PLD5: variants seen among roughly 807,000 people sequenced by gnomAD.
The protein encoded by PLD5 is phospholipase D family member 5, also known as inactive phospholipase D5.
PLD5 carries 36 observed loss-of-function variants against 61.1 expected under a neutral mutation model. That is an observed-to-expected ratio of 0.59 (90% CI 0.45 to 0.78). The LOEUF (loss-of-function observed/expected upper bound fraction) is 0.78, where lower values mean the gene tolerates loss of function less well. PLD5 is among the 30% of genes least tolerant of loss of function. The pLI is 0.00. For synonymous variants in PLD5, 243 were observed against 242.8 expected (o/e 1.00, Z -0.01); for missense variants, 515 against 644.4 (o/e 0.80, Z 2.17).
intron 1 of PLD5, among the ~76,000 whole-genome samples, chr1:242,519,515 G>A (rs1239691077): frequency 6.6e-6 from 1 of 152,158 alleles, no homozygotes; most frequent in East Asian, 1.9e-4. Context: ...TCTGTCTTCT[G>A]CTTTCTCTTT....
intron 1 of PLD5, among the ~76,000 whole-genome samples, chr1:242,506,796 T>A (rs1353322847): frequency 6.6e-6 from 1 of 152,160 alleles, no homozygotes; most frequent in Non-Finnish European, 1.5e-5. Context: ...TTCTTCCCAG[T>A]CCAGTAAAGT....
At chr1:242,230,980 G>A (rs919587502) in intron 4 of PLD5, among the ~76,000 whole-genome samples, 8 of 152,074 alleles carry the variant, frequency 5.3e-5, no homozygotes, top group Non-Finnish European at 7.4e-5. Context: ...CTATCTATAG[G>A]AATGTTTGCT....
Position 242,089,557 on chromosome 1 carries a change from G to C in PLD5, c.*297C>G, listed in dbSNP as rs1327358079. 1.9e-6 allele frequency: 1 copy of C among 522,256 alleles called. No homozygotes were observed. Among genetic ancestry groups the C allele is most frequent in the Admixed American group, 3.5e-5 (1 of 28,286 alleles). 32.4% of individuals were successfully genotyped at this position (522,256 alleles called of 1,614,324 possible). On this transcript the variant is annotated 3_prime_UTR_variant, in exon 10 of 10. Coordinates refer to ENST00000536534, the MANE Select transcript of PLD5 (RefSeq NM_001372062.1). ...CTGACCGGGTAGGTCAGCAGAAAAA[G>C]TTCTAAAACTAGAAAGGAGCAGGAA... is the stretch of plus-strand genomic sequence containing the variant.
intron 1 of PLD5, among the ~76,000 whole-genome samples, chr1:242,424,212 C>A (rs561455705): frequency 6.6e-6 from 1 of 152,268 alleles, no homozygotes; most frequent in African/African-American, 2.4e-5. Flanking sequence ...CTGGCTCCTG[C>A]CCCACCCCAC....
chr1:242,227,386 A>C (rs867455461), intron 4 of PLD5, among the ~76,000 whole-genome samples: 15 of 152,154 alleles, frequency 9.9e-5, no homozygotes, highest in Middle Eastern at 3.4e-3. Flanking sequence ...TTTTGGAGAC[A>C]GAGTGTCTCG....
At chr1:242,526,637 C>T (rs571607485), upstream of PLD5, among the ~76,000 whole-genome samples, 1 of 152,218 alleles carries the variant, frequency 6.6e-6, no homozygotes, top group Admixed American at 6.5e-5. Flanking sequence ...GGTTTCACCA[C>T]GTTGGCCAGG....
At chr1:242,155,255 T>C (rs1388372158) in intron 5 of PLD5, among the ~76,000 whole-genome samples, 1 of 152,170 alleles carries the variant, frequency 6.6e-6, no homozygotes, top group African/African-American at 2.4e-5. Context: ...TTTATTAGTC[T>C]GGCTAGTAGT....
At position 242,151,369 on chromosome 1, in the gene PLD5, A is replaced by G. The variant is rs1047134874; in HGVS notation, c.736-26704T>C. Among the ~76,000 whole-genome samples the G allele has an allele frequency of 4.0e-5, 6 of 151,862 alleles. No homozygotes were observed. In the South Asian group the frequency reaches 1.2e-3, roughly 32 times the overall value. ...AGTTTCTTAATTTTTCTTAGAGAAA[A>G]TTTTTGTTTTCTCCCTCATAACTTT... On this transcript the variant is annotated intron_variant, in intron 5 of 9. Transcript: ENST00000536534.
chr1:242,103,362 TGC>T (rs1434116457), intron 8 of PLD5, among the ~76,000 whole-genome samples: 1 of 152,246 alleles, frequency 6.6e-6, no homozygotes, highest in African/African-American at 2.4e-5. Flanking sequence ...CTTATTACTC[TGC>T]CTTTATTAGC....
At chr1:242,464,082 C>A (rs962268298) in intron 1 of PLD5, among the ~76,000 whole-genome samples, 2 of 152,228 alleles carry the variant, frequency 1.3e-5, no homozygotes, top group Admixed American at 6.5e-5. Flanking sequence ...TCTTTCGGAG[C>A]ACTTCACGTA....
intron 1 of PLD5, among the ~76,000 whole-genome samples, chr1:242,509,708 C>T (rs1306955957): frequency 6.6e-6 from 1 of 152,134 alleles, no homozygotes; most frequent in African/African-American, 2.4e-5. Context: ...AAAGCCACAA[C>T]GATGATGATA....
chr1:242,233,232 A>C (rs56935956), intron 4 of PLD5, among the ~76,000 whole-genome samples: 2 of 152,174 alleles, frequency 1.3e-5, no homozygotes, highest in South Asian at 2.1e-4. Flanking sequence ...TTGGTCACTG[A>C]AAGAAAATTA....
rs529623745 is a variant in PLD5, at chr1:242,100,904, A to G, written c.1240-122T>C. ...GACCTCAAGTTGGGTTATGAAAGCC[A>G]TAATCTTATTACCTCATATAGATGA... On this transcript the variant is annotated intron_variant, in intron 8 of 9. Coordinates refer to ENST00000536534, the MANE Select transcript of PLD5 (RefSeq NM_001372062.1). 4.9e-5 allele frequency: 32 copies of G among 656,012 alleles called. No individual in the cohort carries two copies. In the East Asian group the frequency reaches 8.6e-4, roughly 18 times the overall value. The allele number at this position is 656,012 out of a possible 1,614,324, so 40.6% of individuals were successfully genotyped here.
intron 3 of PLD5, among the ~76,000 whole-genome samples, chr1:242,271,062 G>A (rs549363262): frequency 1.3e-5 from 2 of 152,064 alleles, no homozygotes; most frequent in African/African-American, 4.8e-5. Flanking sequence ...ACTAATACTC[G>A]ATGATTTTAG....
At chr1:242,400,963 C>G (rs1303971197) in intron 1 of PLD5, among the ~76,000 whole-genome samples, 2 of 152,166 alleles carry the variant, frequency 1.3e-5, no homozygotes, top group Non-Finnish European at 2.9e-5. Context: ...ATTTTTATTT[C>G]TGGCCCTGGC....
chr1:242,206,279 G>A (rs921103068), intron 5 of PLD5, among the ~76,000 whole-genome samples: 4 of 152,158 alleles, frequency 2.6e-5, no homozygotes, highest in East Asian at 1.9e-4. Flanking sequence ...AAGTGCTGCC[G>A]CCTACTCCCT....
intron 2 of PLD5, among the ~76,000 whole-genome samples, chr1:242,344,935 A>G (rs1189109273): frequency 6.6e-6 from 1 of 152,198 alleles, no homozygotes; most frequent in Non-Finnish European, 1.5e-5. Context: ...CTCTTCTTAC[A>G]TGGCAGTGGC....
intron 1 of PLD5, among the ~76,000 whole-genome samples, chr1:242,447,173 A>T (rs1292348939): frequency 1.3e-5 from 2 of 152,264 alleles, no homozygotes; most frequent in Admixed American, 1.3e-4. Flanking sequence ...TGCAATTTGT[A>T]ATATGAACTT....
chr1:242,399,093 C>T (rs1401630434), intron 1 of PLD5, among the ~76,000 whole-genome samples: 1 of 152,178 alleles, frequency 6.6e-6, no homozygotes, highest in African/African-American at 2.4e-5. Flanking sequence ...TGTGCATTTT[C>T]TTTTCTCACG....
Sources: gnomAD v4.1 joint callset for allele counts (sites outside exome capture counted in the v4.1 genomes callset) on GRCh38, gnomAD v4.1.1 for gene constraint, MANE v1.5 for transcripts, NCBI Gene and HGNC (gene_info 2026-07-23, HGNC 2026-07-21) for gene names.